The following GALNT18 variants were observed in gnomAD, a reference collection of about 807,000 sequenced individuals.
The protein encoded by GALNT18 is polypeptide N-acetylgalactosaminyltransferase 18, also known as GalNAc-transferase 18.
Under a neutral mutation model 69.5 loss-of-function variants are expected in GALNT18, and 44 were observed. The ratio of observed to expected loss-of-function variants is 0.63; its 90% CI spans 0.50 to 0.81. GALNT18 has a LOEUF of 0.81. Among genes scored for constraint, GALNT18 ranks in the 40% least tolerant of loss-of-function variants. GALNT18 has a pLI of 0.00. For synonymous variants in GALNT18, 364 were observed against 318.2 expected, an observed-to-expected ratio of 1.14 and a Z score of -1.53; for missense variants, 715 against 810.0, an observed-to-expected ratio of 0.88 and a Z score of 1.42.
chr11:11,343,436 T>C (rs1204911343), intron 6 of GALNT18, among the ~76,000 whole-genome samples: 2 of 152,104 alleles, frequency 1.3e-5, no homozygotes, highest in African/African-American at 4.8e-5. Context: ...GACAAAAGGA[T>C]CTGTCTGATC....
intron 3 of GALNT18, among the ~76,000 whole-genome samples, chr11:11,422,298 A>T (rs1418850300): frequency 6.6e-6 from 1 of 152,264 alleles, no homozygotes; most frequent in Non-Finnish European, 1.5e-5. Flanking sequence ...AGGATGTGGC[A>T]GGCAGAGGCA....
chr11:11,430,951 A>G lies in GALNT18; in HGVS notation c.595+1670T>C, dbSNP rs1009975216. Among the ~76,000 whole-genome samples the G allele has an allele frequency of 1.3e-5, 2 of 152,198 alleles. No homozygotes were observed. The highest frequency in any genetic ancestry group is 4.8e-5 in the African/African-American group (2 of 41,442). Reference sequence around the variant, plus strand: ...CCAAAAGCTTTAGATAGTTATTGCCATTTACAAAATAGAGTTCAAACTCTT... The same window carrying G: ...CCAAAAGCTTTAGATAGTTATTGCCGTTTACAAAATAGAGTTCAAACTCTT... On this transcript the variant is annotated intron_variant, in intron 3 of 10. Coordinates refer to ENST00000227756, the MANE Select transcript of GALNT18 (RefSeq NM_198516.3). This position sits in a 1 kb window ranked among gnomAD's most constrained non-coding sequence, Gnocchi z 4.9.
chr11:11,376,880 C>G (rs905169894), intron 5 of GALNT18, among the ~76,000 whole-genome samples: 11 of 152,232 alleles, frequency 7.2e-5, no homozygotes, highest in African/African-American at 2.7e-4. Flanking sequence ...AGACTCCAGG[C>G]TTTTGGCAGT....
At chr11:11,289,385 A>T (rs1452672042) in intron 10 of GALNT18, among the ~76,000 whole-genome samples, 1 of 152,228 alleles carries the variant, frequency 6.6e-6, no homozygotes, top group African/African-American at 2.4e-5. Context: ...TTAAGTAGAC[A>T]TATGCCAAAG....
chr11:11,468,603 G>A (rs1216427858), intron 1 of GALNT18, among the ~76,000 whole-genome samples: 3 of 152,134 alleles, frequency 2.0e-5, no homozygotes, highest in Admixed American at 1.3e-4. Context: ...GCTGCAGGGA[G>A]GTTGCTGGGA....
chr11:11,413,962 C>T lies in GALNT18; in HGVS notation c.595+18659G>A, dbSNP rs1854793124. On this transcript the variant is annotated intron_variant, in intron 3 of 10. Transcript: ENST00000227756. This position sits in a 1 kb window ranked among gnomAD's most constrained non-coding sequence, Gnocchi z 4.7. The stretch of plus-strand genomic sequence containing the variant: ...CTGGATCTTACTCACCAAACCTGTT[C>T]TTCCTCTAATTCTGTCTGGCCCATC... Among the ~76,000 whole-genome samples the T allele has an allele frequency of 6.6e-6, 1 of 152,212 alleles. No homozygotes were observed. Among genetic ancestry groups the T allele is most frequent in the African/African-American group, 2.4e-5 (1 of 41,448 alleles).
chr11:11,490,442 C>T (rs1564975838), intron 1 of GALNT18, among the ~76,000 whole-genome samples: 1 of 152,106 alleles, frequency 6.6e-6, no homozygotes, highest in Non-Finnish European at 1.5e-5. Flanking sequence ...AATGCCTTAC[C>T]TCCTAAGGCT....
intron 10 of GALNT18, among the ~76,000 whole-genome samples, chr11:11,273,584 ATTG>A (rs1441090997): frequency 2.6e-5 from 4 of 152,178 alleles, no homozygotes; most frequent in Admixed American, 1.3e-4. Flanking sequence ...ACCTTTGTAC[ATTG>A]TTGGTGGGAA....
At chr11:11,608,591 G>A (rs1383094848) in intron 1 of GALNT18, among the ~76,000 whole-genome samples, 1 of 152,046 alleles carries the variant, frequency 6.6e-6, no homozygotes, top group Admixed American at 6.5e-5. Context: ...TCAAACTCCT[G>A]ACCTCATGAT....
At chr11:11,478,922 TCCCGCGGAGG>T (rs1856462049) in intron 1 of GALNT18, among the ~76,000 whole-genome samples, 1 of 7,316 alleles carries the variant, frequency 1.4e-4, no homozygotes, top group Non-Finnish European at 6.8e-4. Flanking sequence ...TCTCGGCATC[TCCCGCGGAGG>T]TGGCATCTCC....
At chr11:11,567,827 G>T (rs1858689625) in intron 1 of GALNT18, among the ~76,000 whole-genome samples, 1 of 152,222 alleles carries the variant, frequency 6.6e-6, no homozygotes, top group Admixed American at 6.5e-5. Flanking sequence ...GTCCTAGGGA[G>T]ATAAACATCC....
intron 1 of GALNT18, among the ~76,000 whole-genome samples, chr11:11,504,616 G>C (rs537746693): frequency 1.3e-5 from 2 of 152,174 alleles, no homozygotes; most frequent in East Asian, 3.9e-4. Context: ...AAATTAGCCA[G>C]GCATGGTGGT....
At chr11:11,301,861 G>C (rs934079422) in intron 9 of GALNT18, among the ~76,000 whole-genome samples, 1 of 152,202 alleles carries the variant, frequency 6.6e-6, no homozygotes, top group Non-Finnish European at 1.5e-5. Flanking sequence ...ACATGCAGGA[G>C]GATGGGTAGA....
In GALNT18 at chr11:11,562,848, C is replaced by T. The variant is rs1858546717; in HGVS notation, c.235+58511G>A. 1.3e-5 allele frequency among the ~76,000 whole-genome samples: 2 copies of T among 152,124 alleles called. No homozygotes were observed. Among genetic ancestry groups the T allele is most frequent in the South Asian group, 4.2e-4 (2 of 4,818 alleles). On this transcript the variant is annotated intron_variant, in intron 1 of 10. Transcript: ENST00000227756. The surrounding 1 kb of genome is among the most constrained non-coding windows in gnomAD (Gnocchi z 4.1). ...ACGTGGAGGAAAGTGGCAAAAAAGA[C>T]TTGAACTGGGGTCTGCCTAGCTCGA...
At chr11:11,477,707 T>C (rs574351958) in intron 1 of GALNT18, among the ~76,000 whole-genome samples, 3 of 152,368 alleles carry the variant, frequency 2.0e-5, no homozygotes, top group Admixed American at 2.0e-4. Flanking sequence ...TATAAATTTA[T>C]ATACGACTTA....
chr11:11,486,382 G>A (rs1302204107), intron 1 of GALNT18, among the ~76,000 whole-genome samples: 1 of 152,186 alleles, frequency 6.6e-6, no homozygotes, highest in Admixed American at 6.5e-5. Flanking sequence ...GGGTGTGTAA[G>A]CCCCAAGGTC....
At chr11:11,299,945 T>C (rs1280526285) in intron 9 of GALNT18, among the ~76,000 whole-genome samples, 3 of 152,200 alleles carry the variant, frequency 2.0e-5, no homozygotes, top group Non-Finnish European at 4.4e-5. Context: ...CCTCAATACC[T>C]ATGTTATGCC....
intron 7 of GALNT18, among the ~76,000 whole-genome samples, chr11:11,336,758 A>G (rs568971711): frequency 6.6e-6 from 1 of 152,340 alleles, no homozygotes; most frequent in South Asian, 2.1e-4. Context: ...GCACCTGTTT[A>G]TTATGTGTCA....
chr11:11,462,135 C>G (rs1443099392), intron 1 of GALNT18, among the ~76,000 whole-genome samples: 2 of 152,156 alleles, frequency 1.3e-5, no homozygotes, highest in Admixed American at 1.3e-4. Flanking sequence ...GGCCTGAGAT[C>G]GTGCATTTCT....
Sources: allele counts gnomAD v4.1 joint callset (sites outside exome capture counted in the v4.1 genomes callset), GRCh38; gene constraint gnomAD v4.1.1; non-coding constraint Gnocchi (gnomAD v3.1); transcripts MANE v1.5; gene names NCBI Gene and HGNC (gene_info 2026-07-23, HGNC 2026-07-21).